Variants in DENND1A observed in about 807,000 individuals in gnomAD.
DENND1A encodes DENN domain-containing protein 1A.
Under a neutral mutation model 113.7 loss-of-function variants are expected in DENND1A, and 51 were observed. The observed-to-expected ratio is 0.45, with a 90% CI of 0.36 to 0.57. The LOEUF (loss-of-function observed/expected upper bound fraction) is 0.57, where lower values mean the gene tolerates loss of function less well. Among genes scored for constraint, DENND1A ranks in the 20% least tolerant of loss-of-function variants. The pLI, the probability that DENND1A is intolerant of heterozygous loss-of-function variation, is 0.00. For synonymous variants in DENND1A, 565 were observed against 570.8 expected, an observed-to-expected ratio of 0.99 and a Z score of 0.14; for missense variants, 1,258 against 1,395.9, an observed-to-expected ratio of 0.90 and a Z score of 1.57.
chr9:123,563,967 C>T (rs994459549), intron 12 of DENND1A, among the ~76,000 whole-genome samples: 1 of 152,284 alleles, frequency 6.6e-6, no homozygotes, highest in African/African-American at 2.4e-5. Context: ...GCATGATGGC[C>T]TATTCCTTTG....
At chr9:123,774,225 G>A (rs1830149809) in intron 3 of DENND1A, among the ~76,000 whole-genome samples, 1 of 152,110 alleles carries the variant, frequency 6.6e-6, no homozygotes, top group South Asian at 2.1e-4. Context: ...TGACTTGAAA[G>A]AAAAGCCTGA....
At chr9:123,526,699 C>A (rs942714629) in intron 13 of DENND1A, among the ~76,000 whole-genome samples, 1 of 152,176 alleles carries the variant, frequency 6.6e-6, no homozygotes, top group Admixed American at 6.5e-5. Context: ...CATCCCTTGG[C>A]GTTGGCATGT....
At chr9:123,498,109 TA>T (rs2052111638) in intron 13 of DENND1A, among the ~76,000 whole-genome samples, 1 of 152,218 alleles carries the variant, frequency 6.6e-6, no homozygotes, top group South Asian at 2.1e-4. Flanking sequence ...CTTAAATATG[TA>T]AAGCCTTGGG....
intron 21 of DENND1A, among the ~76,000 whole-genome samples, chr9:123,391,677 T>C (rs928296063): frequency 3.5e-5 from 5 of 143,020 alleles, no homozygotes; most frequent in African/African-American, 1.3e-4. Context: ...CCATGAAACA[T>C]ACAGTCAGAT....
chr9:123,716,125 T>C (rs948800491), intron 5 of DENND1A, among the ~76,000 whole-genome samples: 6 of 152,186 alleles, frequency 3.9e-5, no homozygotes, highest in Non-Finnish European at 7.3e-5. Context: ...CACCTGTTCC[T>C]TTCACAAAGA....
intron 19 of DENND1A, chr9:123,439,971 A>AT (rs549464362): frequency 2.4e-4 from 36 of 151,360 alleles, no homozygotes; most frequent in South Asian, 4.2e-4. Flanking sequence ...CTCCTAATTG[A>AT]TTTTTTTTTT....
chr9:123,780,005 C>A (rs1831050511), intron 3 of DENND1A, among the ~76,000 whole-genome samples: 2 of 152,048 alleles, frequency 1.3e-5, no homozygotes. Context: ...AGGCGCCCCC[C>A]CACCACGCCA....
chr9:123,761,419 C>T (rs1340202058), intron 4 of DENND1A, among the ~76,000 whole-genome samples: 2 of 152,322 alleles, frequency 1.3e-5, no homozygotes, highest in East Asian at 3.9e-4. Context: ...CTAAAACTCA[C>T]ATTAAAAACT....
chr9:123,402,993 G>A (rs1386953523), intron 21 of DENND1A, among the ~76,000 whole-genome samples: 2 of 152,028 alleles, frequency 1.3e-5, no homozygotes, highest in Admixed American at 6.5e-5. Flanking sequence ...CAGTGGATGA[G>A]GGCAGTCCTG....
At chr9:123,702,845 A>C (rs1406096694) in intron 5 of DENND1A, among the ~76,000 whole-genome samples, 1 of 152,040 alleles carries the variant, frequency 6.6e-6, no homozygotes, top group Non-Finnish European at 1.5e-5. Context: ...GGATGCTAAT[A>C]AATAACATAA....
chr9:123,617,225 GACGATCCATGA>G (rs1472149970), intron 10 of DENND1A, among the ~76,000 whole-genome samples: 2 of 152,212 alleles, frequency 1.3e-5, no homozygotes, highest in Non-Finnish European at 2.9e-5. Context: ...AACAGAGGAT[GACGATCCATGA>G]GGAGACCAGG....
chr9:123,617,692 C>T (rs1323306895), intron 10 of DENND1A, among the ~76,000 whole-genome samples: 1 of 152,214 alleles, frequency 6.6e-6, no homozygotes, highest in Non-Finnish European at 1.5e-5. Flanking sequence ...GCTAAGACCA[C>T]TGCGGCAGGA....
intron 13 of DENND1A, among the ~76,000 whole-genome samples, chr9:123,488,303 G>A (rs2051064759): frequency 6.6e-6 from 1 of 152,210 alleles, no homozygotes; most frequent in Non-Finnish European, 1.5e-5. Context: ...GTCAGGCTGG[G>A]TAGCAGAAGT....
At chr9:123,589,934 A>T (rs1248972803) in intron 11 of DENND1A, among the ~76,000 whole-genome samples, 1 of 152,214 alleles carries the variant, frequency 6.6e-6, no homozygotes, top group Non-Finnish European at 1.5e-5. Context: ...TACTGTAGGC[A>T]ACTGGCTTGA....
chr9:123,636,256 G>A (rs2061693369), intron 9 of DENND1A, among the ~76,000 whole-genome samples: 2 of 152,050 alleles, frequency 1.3e-5, no homozygotes, highest in African/African-American at 4.8e-5. Context: ...GATGACCCCA[G>A]GTGACCAGGA....
intron 6 of DENND1A, among the ~76,000 whole-genome samples, chr9:123,672,719 C>T (rs1466202515): frequency 6.6e-6 from 1 of 152,304 alleles, no homozygotes; most frequent in Non-Finnish European, 1.5e-5. Context: ...TGGTATGACC[C>T]AGCAAGAAGG....
intron 1 of DENND1A, among the ~76,000 whole-genome samples, chr9:123,917,733 G>C (rs558210605): frequency 6.6e-6 from 1 of 152,128 alleles, no homozygotes; most frequent in African/African-American, 2.4e-5. Flanking sequence ...ACTCCTTAGA[G>C]AAACACTGGG....
intron 5 of DENND1A, among the ~76,000 whole-genome samples, chr9:123,694,704 C>A (rs563226397): frequency 1.3e-5 from 2 of 152,276 alleles, no homozygotes; most frequent in East Asian, 3.9e-4. Flanking sequence ...ATTCCATAAG[C>A]AATTCCCAAT....
chr9:123,619,887 C>G (rs561181853), intron 10 of DENND1A, among the ~76,000 whole-genome samples: 3 of 152,130 alleles, frequency 2.0e-5, no homozygotes, highest in African/African-American at 7.2e-5. Context: ...CTCTTCTTTA[C>G]CTAATTTTTC....
Sources: gnomAD v4.1 joint callset for allele counts (sites outside exome capture counted in the v4.1 genomes callset) on GRCh38, gnomAD v4.1.1 for gene constraint, MANE v1.5 for transcripts, NCBI Gene and HGNC (gene_info 2026-07-23, HGNC 2026-07-21) for gene names.